INTS4: variants seen among roughly 807,000 people sequenced by gnomAD.
The protein encoded by INTS4 is MSTP093.
INTS4 carries 70 observed loss-of-function variants against 119.5 expected under a neutral mutation model. The ratio of observed to expected loss-of-function variants is 0.59; its 90% CI spans 0.48 to 0.71. INTS4 has a LOEUF of 0.71. Among genes scored for constraint, INTS4 ranks in the 30% least tolerant of loss-of-function variants. The probability of loss-of-function intolerance (pLI) is 0.00; values close to 1 mark genes in which losing one functional copy is unlikely to be tolerated. For synonymous variants in INTS4, 316 were observed against 419.6 expected, an observed-to-expected ratio of 0.75 and a Z score of 3.02; for missense variants, 867 against 1,173.2, an observed-to-expected ratio of 0.74 and a Z score of 3.81.
intron 14 of INTS4, among the ~76,000 whole-genome samples, chr11:77,921,089 T>C (rs957029532): frequency 1.3e-5 from 2 of 151,952 alleles, no homozygotes; most frequent in African/African-American, 4.8e-5. Context: ...TCAGAGAATA[T>C]ATGGACTGCT....
At chr11:77,963,569 T>C (rs149981039) in intron 4 of INTS4, 113 of 347,254 alleles carry the variant, frequency 3.3e-4, no homozygotes, top group African/African-American at 2.4e-3. Flanking sequence ...AAATAAAAAT[T>C]AATTTACAAT....
At chr11:77,892,129 C>T (rs994659314) in intron 19 of INTS4, among the ~76,000 whole-genome samples, 3 of 152,110 alleles carry the variant, frequency 2.0e-5, no homozygotes, top group African/African-American at 4.8e-5. Context: ...TTTTTATTTT[C>T]GTATTATAGA....
chr11:77,981,138 G>A (rs772072705), intron 3 of INTS4, among the ~76,000 whole-genome samples: 14 of 144,836 alleles, frequency 9.7e-5, no homozygotes, highest in Non-Finnish European at 2.1e-4. Context: ...CCAGCCTGGA[G>A]TCAGGCTGCT....
At chr11:77,906,062 T>C (rs1381122592) in intron 16 of INTS4, among the ~76,000 whole-genome samples, 1 of 152,214 alleles carries the variant, frequency 6.6e-6, no homozygotes, top group Non-Finnish European at 1.5e-5. Context: ...TCCATAATTA[T>C]ATTTTGGGGA....
chr11:77,905,512 G>A (rs1351003725), intron 16 of INTS4, among the ~76,000 whole-genome samples: 1 of 151,446 alleles, frequency 6.6e-6, no homozygotes, highest in Non-Finnish European at 1.5e-5. Context: ...TCTGCTGCTT[G>A]GATATCAGAA....
At chr11:77,990,041 C>T (rs2136667936) in intron 2 of INTS4, among the ~76,000 whole-genome samples, 1 of 151,992 alleles carries the variant, frequency 6.6e-6, no homozygotes, top group Non-Finnish European at 1.5e-5. Context: ...CACAGCAAAA[C>T]CCCACCTCTA....
chr11:77,911,204 T>C, intron 15 of INTS4: 1 of 1,118,606 alleles, frequency 8.9e-7, no homozygotes, highest in South Asian at 1.7e-5. Flanking sequence ...AGAATTAATG[T>C]ATGATATATA....
chr11:77,921,260 C>T (rs182723405), intron 14 of INTS4, 80 bp downstream of exon 14: 3 of 1,434,908 alleles, frequency 2.1e-6, no homozygotes, highest in African/African-American at 1.4e-5. Flanking sequence ...ACAAGACCCC[C>T]ATCTCAAAGG....
chr11:77,992,347 C>T (rs759894041), intron 1 of INTS4, among the ~76,000 whole-genome samples: 4 of 151,948 alleles, frequency 2.6e-5, no homozygotes, highest in Admixed American at 6.6e-5. Context: ...GCTAGGATTG[C>T]GCAACTGCAC....
chr11:77,897,362 A>G (rs1952569286), intron 18 of INTS4, among the ~76,000 whole-genome samples: 1 of 151,422 alleles, frequency 6.6e-6, no homozygotes, highest in South Asian at 2.1e-4. Context: ...TTTTATAAAA[A>G]AATTAAAAAT....
chr11:77,948,515 G>C (rs1017242144), intron 8 of INTS4, among the ~76,000 whole-genome samples: 2 of 151,906 alleles, frequency 1.3e-5, no homozygotes, highest in African/African-American at 4.8e-5. Context: ...GGGCATGGTG[G>C]CACATGCCTG....
At chr11:77,993,555 C>G (rs1856782513) in intron 1 of INTS4, among the ~76,000 whole-genome samples, 1 of 152,150 alleles carries the variant, frequency 6.6e-6, no homozygotes, top group Non-Finnish European at 1.5e-5. Flanking sequence ...TCACATTGTG[C>G]AACAGTGCTA....
intron 4 of INTS4, among the ~76,000 whole-genome samples, chr11:77,973,009 T>G (rs2136621480): frequency 6.6e-6 from 1 of 151,962 alleles, no homozygotes. Flanking sequence ...CCTGACTAAT[T>G]TTTTCAATTT....
In INTS4 at chr11:77,907,750, G is replaced by T. The variant is rs767074781; in HGVS notation, c.1983C>A (p.Ala661=). The T allele has an allele frequency of 1.9e-6, 3 of 1,613,662 alleles. 1 individual carries two copies. The highest frequency in any genetic ancestry group is 2.5e-6 in the Non-Finnish European group (3 of 1,179,696). The change falls in exon 16 of 23, where the codon GCC becomes GCA. Residue 661 remains alanine (A), a synonymous_variant. Transcript: ENST00000534064. ...SELAGVADFS[A]TYLRCQLLLI... ...GAAGTAGTTGACAGCGAAGATAGGTGGCAGAGAAATCAGCTACTCCTGCCA... is the reference window on the plus strand; with the variant it reads ...GAAGTAGTTGACAGCGAAGATAGGTTGCAGAGAAATCAGCTACTCCTGCCA...
At chr11:77,911,011 C>A in intron 15 of INTS4, 1 of 1,288,988 alleles carries the variant, frequency 7.8e-7, no homozygotes, top group Non-Finnish European at 1.0e-6. Flanking sequence ...GTTTCAGGGC[C>A]GGCATAACAC....
At chr11:77,924,099 A>G (rs759952184) in intron 12 of INTS4, among the ~76,000 whole-genome samples, 5 of 150,760 alleles carry the variant, frequency 3.3e-5, no homozygotes, top group Non-Finnish European at 7.4e-5. Context: ...AACTTAATGA[A>G]TAAAAAATAA....
At chr11:77,956,758 T>A (rs1475737078) in intron 7 of INTS4, among the ~76,000 whole-genome samples, 1 of 111,274 alleles carries the variant, frequency 9.0e-6, no homozygotes, top group Admixed American at 9.3e-5. Flanking sequence ...ATAATAATAA[T>A]AAACAAATAA....
intron 19 of INTS4, among the ~76,000 whole-genome samples, chr11:77,893,206 G>A (rs1008426148): frequency 2.0e-4 from 31 of 152,134 alleles, no homozygotes; most frequent in South Asian, 8.3e-4. Flanking sequence ...GTGCTTTAAC[G>A]GATTCATTCC....
chr11:77,993,504 C>T (rs1346024863), intron 1 of INTS4, among the ~76,000 whole-genome samples: 1 of 152,132 alleles, frequency 6.6e-6, no homozygotes, highest in African/African-American at 2.4e-5. Flanking sequence ...GCTGAGCAGT[C>T]TTGGGAAATG....
Sources: allele counts gnomAD v4.1 joint callset (sites outside exome capture counted in the v4.1 genomes callset), GRCh38; gene constraint gnomAD v4.1.1; transcripts MANE v1.5; gene names NCBI Gene and HGNC (gene_info 2026-07-23, HGNC 2026-07-21).